TMPRSS3: variants seen among roughly 807,000 people sequenced by gnomAD.
TMPRSS3 encodes transmembrane protease serine 3.
A neutral mutation model predicts 59.6 loss-of-function variants in TMPRSS3; 55 were observed. That is an observed-to-expected ratio of 0.92 (90% CI 0.74 to 1.16). TMPRSS3 has a LOEUF of 1.16. TMPRSS3 is among the 50% of genes most tolerant of loss of function. TMPRSS3 has a pLI of 0.00. For synonymous variants in TMPRSS3, 257 were observed against 237.7 expected, an observed-to-expected ratio of 1.08 and a Z score of -0.75; for missense variants, 596 against 579.4, an observed-to-expected ratio of 1.03 and a Z score of -0.29.
chr21:42,385,633 G>C, intron 5 of TMPRSS3, 99 bp from the exon 6 acceptor site: 1 of 1,494,206 alleles, frequency 6.7e-7, no homozygotes, highest in South Asian at 1.1e-5. Flanking sequence ...TTGTACATGG[G>C]GGATGTCATT....
At chr21:42,394,858 G>A (rs577102636) in intron 2 of TMPRSS3, among the ~76,000 whole-genome samples, 7 of 152,158 alleles carry the variant, frequency 4.6e-5, no homozygotes, top group Non-Finnish European at 1.0e-4. Context: ...ACTTATTTAC[G>A]AAACCAACTT....
At position 42,376,670 on chromosome 21, in the gene TMPRSS3, A is replaced by G. The variant is rs1167222434; in HGVS notation, c.1062T>C (p.Pro354=). 7.4e-6 allele frequency: 12 copies of G among 1,613,972 alleles called. No individual in the cohort carries two copies. The highest frequency in any genetic ancestry group is 3.3e-5 in the Admixed American group (2 of 59,996). Residue 354 remains proline, a synonymous_variant, in exon 11 of 13, where the codon CCT becomes CCC. Coordinates refer to ENST00000644384, the MANE Select transcript of TMPRSS3 (RefSeq NM_001256317.3). ...AAGGGACGGCCGCGTGGTTCAGGAC[A>G]GGGGAGGCGTCACCTGCTTCAAAGT... ...GATEDGGDAS[P]VLNHAAVPLI... is the part of the protein sequence containing the mutation.
At chr21:42,387,910 TG>T (rs1439965716) in intron 5 of TMPRSS3, among the ~76,000 whole-genome samples, 6 of 152,270 alleles carry the variant, frequency 3.9e-5, no homozygotes, top group African/African-American at 1.4e-4. Flanking sequence ...TATAGTTCTT[TG>T]TTCTACATGT....
chr21:42,382,706 C>CATA, intron 8 of TMPRSS3: 1 of 447,068 alleles, frequency 2.2e-6, no homozygotes, highest in Non-Finnish European at 4.2e-6. Flanking sequence ...CTGTCTCTGC[C>CATA]ATAACATGGT....
At chr21:42,374,735 T>C (rs2052391860) in intron 12 of TMPRSS3, among the ~76,000 whole-genome samples, 1 of 152,158 alleles carries the variant, frequency 6.6e-6, no homozygotes, top group Admixed American at 6.5e-5. Context: ...TTGTATGTTA[T>C]ATAAATTTCA....
intron 2 of TMPRSS3, 48 bp downstream of exon 2, chr21:42,395,276 A>C (rs909442608): frequency 1.3e-6 from 2 of 1,512,670 alleles, no homozygotes; most frequent in Middle Eastern, 2.2e-4. Flanking sequence ...GGTCACCTAC[A>C]TGAGGGTATG....
chr21:42,385,773 C>G (rs939949546), intron 5 of TMPRSS3, among the ~76,000 whole-genome samples: 1 of 152,184 alleles, frequency 6.6e-6, no homozygotes, highest in Non-Finnish European at 1.5e-5. Context: ...CTGACAGCCC[C>G]GTCCACCCAC....
intron 2 of TMPRSS3, among the ~76,000 whole-genome samples, chr21:42,393,015 G>T (rs901600281): frequency 6.6e-6 from 1 of 152,174 alleles, no homozygotes; most frequent in Non-Finnish European, 1.5e-5. Flanking sequence ...TGCAAATGGC[G>T]CACAAGTATG....
rs761699153 is a variant in TMPRSS3, at chr21:42,395,506, T to C, written c.-51-38A>G. ...AGAACAGAAAGCATTTGTTCCCCTA[T>C]TTATACTTGTAGCATCAGGTGCATC... is the stretch of plus-strand genomic sequence containing the variant. On this transcript the variant is annotated intron_variant, in intron 1 of 12. Transcript: ENST00000644384. The C allele has an allele frequency of 7.9e-5, 90 of 1,132,876 alleles. No individual in the cohort carries two copies. In the Admixed American group the frequency reaches 1.7e-3, roughly 21 times the overall value. 70.2% of individuals were successfully genotyped at this position (1,132,876 alleles called of 1,614,324 possible).
intron 9 of TMPRSS3, chr21:42,381,859 C>T (rs1476096165): frequency 1.4e-6 from 1 of 723,202 alleles, no homozygotes; most frequent in African/African-American, 1.7e-5. Context: ...TTGAAAATCA[C>T]TTGTCATACC....
intron 2 of TMPRSS3, among the ~76,000 whole-genome samples, chr21:42,392,590 C>T (rs1241042846): frequency 2.0e-5 from 3 of 152,232 alleles, no homozygotes; most frequent in East Asian, 3.9e-4. Context: ...ATAATGAAGG[C>T]CGTTTTAACT....
At chr21:42,386,312 G>A (rs868564828) in intron 5 of TMPRSS3, among the ~76,000 whole-genome samples, 1 of 152,202 alleles carries the variant, frequency 6.6e-6, no homozygotes, top group Non-Finnish European at 1.5e-5. Context: ...ATGCTATGGG[G>A]GTGTGTATGT....
At chr21:42,395,050 G>C (rs981975948) in intron 2 of TMPRSS3, among the ~76,000 whole-genome samples, 1 of 152,188 alleles carries the variant, frequency 6.6e-6, no homozygotes, top group Non-Finnish European at 1.5e-5. Context: ...CTTCAGGATT[G>C]ACAGGACAAT....
Position 42,375,728 on chromosome 21 carries a change from G to A in TMPRSS3, c.1332C>T (p.His444=), listed in dbSNP as rs186972955. ...TRVTSFLDWI[H]EQMERDLKT ...GCGCCGCACCCACCTCCATCTGCTC[G>A]TGGATCCAGTCCAGGAAGGAGGTGA... The change falls in exon 12 of 13, where the codon CAC becomes CAT. Residue 444 remains histidine (H), a synonymous_variant. Coordinates refer to ENST00000644384, the MANE Select transcript of TMPRSS3 (RefSeq NM_001256317.3). 6.3e-4 allele frequency: 1,023 copies of A among 1,613,728 alleles called. 3 individuals are homozygous for A. The East Asian group carries it at 8.3e-3, about 13-fold the overall frequency.
At chr21:42,390,180 G>A (rs2052712247) in intron 2 of TMPRSS3, 143 bp from the exon 3 acceptor site, 3 of 709,042 alleles carry the variant, frequency 4.2e-6, no homozygotes, top group Admixed American at 2.0e-5. Flanking sequence ...TTAGGGAAAG[G>A]GCCACCCACC....
At chr21:42,375,079 G>A (rs2052398177) in intron 12 of TMPRSS3, among the ~76,000 whole-genome samples, 1 of 152,058 alleles carries the variant, frequency 6.6e-6, no homozygotes, top group Non-Finnish European at 1.5e-5. Flanking sequence ...GCACGCAGCT[G>A]CCAGGGTCCC....
intron 2 of TMPRSS3, among the ~76,000 whole-genome samples, chr21:42,393,231 C>T (rs905216543): frequency 6.9e-6 from 1 of 145,420 alleles, no homozygotes; most frequent in African/African-American, 2.6e-5. Context: ...GGCGACAGAG[C>T]GAGACCTCGT....
At chr21:42,380,805 C>T (rs961120756) in intron 9 of TMPRSS3, among the ~76,000 whole-genome samples, 2 of 152,242 alleles carry the variant, frequency 1.3e-5, no homozygotes, top group Admixed American at 6.5e-5. Context: ...GCACATACCT[C>T]GGGCTTTCGT....
Position 42,382,050 on chromosome 21 carries a change from G to A in TMPRSS3, c.952+15C>T. 4 of 1,614,212 alleles carry A rather than the reference G, an allele frequency of 2.5e-6. No individual in the cohort carries two copies. Among genetic ancestry groups the A allele is most frequent in the South Asian group, 2.2e-5 (2 of 91,076 alleles). Reference sequence around the variant, plus strand: ...AAAGGAAGAGCTGCAGAACCACATAGAGACCCAGATGTACCATTGAACGTG... The same window carrying A: ...AAAGGAAGAGCTGCAGAACCACATAAAGACCCAGATGTACCATTGAACGTG... On this transcript the variant is annotated intron_variant, in intron 9 of 12. Transcript: ENST00000644384.
Sources: allele counts gnomAD v4.1 joint callset (sites outside exome capture counted in the v4.1 genomes callset), GRCh38; gene constraint gnomAD v4.1.1; transcripts MANE v1.5; gene names NCBI Gene and HGNC (gene_info 2026-07-23, HGNC 2026-07-21).